The following DNAJC16 variants were observed in gnomAD, a reference collection of about 807,000 sequenced individuals.
The protein encoded by DNAJC16 is dnaJ homolog subfamily C member 16.
In DNAJC16, 76 loss-of-function variants were observed where a neutral mutation model predicts 92.7. The observed-to-expected ratio is 0.82, with a 90% CI of 0.68 to 0.99. The LOEUF (loss-of-function observed/expected upper bound fraction) is 0.99. Among genes scored for constraint, DNAJC16 ranks in the 50% least tolerant of loss-of-function variants. The pLI, the probability that DNAJC16 is intolerant of heterozygous loss-of-function variation, is 0.00. For missense variants in DNAJC16, 869 were observed against 942.4 expected, an observed-to-expected ratio of 0.92 and a Z score of 1.02; for synonymous variants, 328 against 358.7, an observed-to-expected ratio of 0.91 and a Z score of 0.97.
At chr1:15,529,832 C>G (rs1013089427) in intron 2 of DNAJC16, among the ~76,000 whole-genome samples, 3 of 152,106 alleles carry the variant, frequency 2.0e-5, no homozygotes. Context: ...GCTCAAGTCC[C>G]TATATAAAAT....
chr1:15,565,935 C>G lies in DNAJC16; in HGVS notation c.1615C>G (p.Leu539Val). The stretch of plus-strand genomic sequence containing the variant: ...TGGTTTTAGGAGGGAAATGATGCCC[C>G]TGCTGTCCCTGATCTTCTCTGCCCT... ...FHNNWREMMP[L>V]LSLIFSALFI... The change falls in exon 12 of 15, where the codon CTG (leucine) becomes GTG (valine). Residue 539 changes from leucine (L) to valine (V), a missense_variant. By Grantham distance (32) the Leu-to-Val change is conservative (BLOSUM62 1). Coordinates refer to ENST00000375847, the MANE Select transcript of DNAJC16 (RefSeq NM_015291.4). 1.2e-6 allele frequency: 2 copies of G among 1,613,772 alleles called. No homozygotes were observed. Among genetic ancestry groups the G allele is most frequent in the Non-Finnish European group, 1.7e-6 (2 of 1,179,980 alleles).
intron 6 of DNAJC16, 39 bp from the exon 7 acceptor site, chr1:15,548,231 T>A (rs1288774482): frequency 6.2e-7 from 1 of 1,603,744 alleles, no homozygotes; most frequent in Non-Finnish European, 8.5e-7. Flanking sequence ...ACATCTTTGC[T>A]GTAGTTTTAT....
At position 15,540,575 on chromosome 1, in the gene DNAJC16, G is replaced by A. The variant is rs78560705; in HGVS notation, c.574+3761G>A. ...TGGGACTTCACCTCTCCATGTCTCA[G>A]TTTTCTTATAGGTAAAATAGAGATG... is the stretch of plus-strand genomic sequence containing the variant. On this transcript the variant is annotated intron_variant, in intron 4 of 14. Transcript: ENST00000375847. Among the ~76,000 whole-genome samples the A allele has an allele frequency of 7.8e-3, 1,190 of 152,126 alleles. 16 individuals carry two copies. Among genetic ancestry groups the A allele is most frequent in the African/African-American group, 0.027 (1,113 of 41,480 alleles).
intron 7 of DNAJC16, among the ~76,000 whole-genome samples, chr1:15,556,982 C>CAAA (rs1373618442): frequency 6.6e-6 from 1 of 152,198 alleles, no homozygotes; most frequent in African/African-American, 2.4e-5. Flanking sequence ...TGTGCTAACT[C>CAAA]ATATTAATTC....
In DNAJC16 at chr1:15,567,791, C is replaced by T. The variant is rs1638853438; in HGVS notation, c.1963C>T (p.His655Tyr). Residue 655 changes from histidine to tyrosine, a missense_variant, in exon 15 of 15, where the codon CAC becomes TAC. Transcript: ENST00000375847. ...VYTFTGSSCL[H>Y]FSFLSLDKHR... Reference sequence around the variant, plus strand: ...TTCTTCCTACAGGAGCAGCTGCCTACACTTCTCCTTCCTGAGTCTAGATAA... The same window carrying T: ...TTCTTCCTACAGGAGCAGCTGCCTATACTTCTCCTTCCTGAGTCTAGATAA... The T allele has an allele frequency of 1.2e-6, 2 of 1,613,404 alleles. No homozygotes were observed. The highest frequency in any genetic ancestry group is 1.1e-5 in the South Asian group (1 of 91,002).
chr1:15,546,822 C>T lies in DNAJC16; in HGVS notation c.815C>T (p.Pro272Leu). Residue 272 changes from proline to leucine, a missense_variant, in exon 6 of 15, where the codon CCT (proline) becomes CTT (leucine). By Grantham distance (98) the Pro-to-Leu change is moderately conservative (BLOSUM62 -3). Coordinates refer to ENST00000375847, the MANE Select transcript of DNAJC16 (RefSeq NM_015291.4). ...TCTGGCTGGCAGCAAGAGAATAAGC[C>T]TCATGTCCTTCTGTTTGACCAAACG... ...FLSGWQQENK[P>L]HVLLFDQTPI... 6.2e-7 allele frequency: 1 copy of T among 1,613,846 alleles called. No individual in the cohort carries two copies. Among genetic ancestry groups the T allele is most frequent in the Non-Finnish European group, 8.5e-7 (1 of 1,179,952 alleles).
intron 13 of DNAJC16, 104 bp from the exon 14 acceptor site, chr1:15,566,995 C>T: frequency 9.2e-7 from 1 of 1,081,716 alleles, no homozygotes; most frequent in South Asian, 1.6e-5. Context: ...AATAACATAC[C>T]TAGTCTGGTT....
At chr1:15,558,856 G>T (rs973250827) in intron 7 of DNAJC16, among the ~76,000 whole-genome samples, 1 of 152,104 alleles carries the variant, frequency 6.6e-6, no homozygotes, top group Non-Finnish European at 1.5e-5. Context: ...TGCCCAGTTC[G>T]CTACAAATCC....
chr1:15,538,138 T>G (rs1710836980), intron 4 of DNAJC16, among the ~76,000 whole-genome samples: 1 of 152,190 alleles, frequency 6.6e-6, no homozygotes, highest in Non-Finnish European at 1.5e-5. Flanking sequence ...GGCTCATACC[T>G]GTAATCCCAA....
Position 15,544,447 on chromosome 1 carries a change from A to T in DNAJC16, c.623A>T (p.His208Leu). 5.6e-6 allele frequency: 9 copies of T among 1,614,122 alleles called. No individual in the cohort carries two copies. Among genetic ancestry groups the T allele is most frequent in the Non-Finnish European group, 7.6e-6 (9 of 1,179,994 alleles). ...GCTGGGTATGAGAGACGCCTGGCCC[A>T]TCACCTAGGGGCACACAGCACGCCC... ...VHAGYERRLA[H>L]HLGAHSTPSI... Residue 208 changes from histidine (H) to leucine (L), a missense_variant, in exon 5 of 15, where the codon CAT becomes CTT. Transcript: ENST00000375847.
At position 15,571,667 on chromosome 1, in the gene DNAJC16, A is replaced by T. The variant is rs1638950718; in HGVS notation, c.*3490A>T. The T allele has an allele frequency of 6.6e-6, 1 of 152,632 alleles. No individual in the cohort carries two copies. Among genetic ancestry groups the T allele is most frequent in the Non-Finnish European group, 1.5e-5 (1 of 68,048 alleles). The allele number at this position is 152,632 out of a possible 1,614,324, so 9.5% of individuals were successfully genotyped here. A position where few individuals can be genotyped will look rare whatever the true frequency, so the allele number is the denominator to read the frequency against. On this transcript the variant is annotated 3_prime_UTR_variant, in exon 15 of 15. Transcript: ENST00000375847. ...GACTTTTTTTGTATTGTGAACAGGC[A>T]CTGAAGCTGATGTTATTTTAAGATT...
intron 13 of DNAJC16, 69 bp from the exon 14 acceptor site, chr1:15,567,030 G>A: frequency 6.9e-7 from 1 of 1,454,196 alleles, no homozygotes; most frequent in East Asian, 2.3e-5. Context: ...TCTTTCAGCT[G>A]TTTCTTTTCA....
chr1:15,534,280 A>G lies in DNAJC16; in HGVS notation c.211A>G (p.Ile71Val). ...AGATCCTGGAGCAGAAGACAAGTTC[A>G]TTCAAATCAGTAAGGCTTACGAGGT... Reference protein sequence around the residue: ...NKDPGAEDKFIQISKAYEILS... With the variant: ...NKDPGAEDKFVQISKAYEILS... The change falls in exon 3 of 15, where the codon ATT (isoleucine) becomes GTT (valine). Residue 71 changes from isoleucine to valine, a missense_variant. Ile to Val is a conservative substitution (Grantham distance 29). Transcript: ENST00000375847. The G allele has an allele frequency of 6.2e-6, 10 of 1,614,134 alleles. No homozygotes were observed. The highest frequency in any genetic ancestry group is 8.5e-6 in the Non-Finnish European group (10 of 1,180,010).
chr1:15,552,172 C>T (rs1380212925), intron 7 of DNAJC16, among the ~76,000 whole-genome samples: 5 of 151,600 alleles, frequency 3.3e-5, no homozygotes, highest in Admixed American at 6.6e-5. Flanking sequence ...GCACCCAGCC[C>T]GTTCTTTTTT....
At position 15,570,813 on chromosome 1, in the gene DNAJC16, C is replaced by T. The variant is rs1638932011; in HGVS notation, c.*2636C>T. 1 of 152,210 alleles carries T rather than the reference C, an allele frequency of 6.6e-6. No homozygotes were observed. The highest frequency in any genetic ancestry group is 1.5e-5 in the Non-Finnish European group (1 of 68,038). 9.4% of individuals were successfully genotyped at this position (152,210 alleles called of 1,614,324 possible). On this transcript the variant is annotated 3_prime_UTR_variant, in exon 15 of 15. Transcript: ENST00000375847. The stretch of plus-strand genomic sequence containing the variant: ...GTCAAACATATGAGCCATTGTCATG[C>T]TCAGCCTGTGCCACCATTGCTCTGT...
At chr1:15,564,215 G>C in intron 10 of DNAJC16, 68 bp from the exon 11 acceptor site, 1 of 1,547,496 alleles carries the variant, frequency 6.5e-7, no homozygotes, top group South Asian at 1.1e-5. Context: ...GCAGCACTGT[G>C]TTGCAGGGTA....
rs755881815 is a variant in DNAJC16, at chr1:15,544,635, A to G, written c.759+52A>G. On this transcript the variant is annotated intron_variant, in intron 5 of 14. Transcript: ENST00000375847. Reference sequence around the variant, plus strand: ...CTGAGAAGTAGTTTAAGAGGTACCTAGGACTGTTAATTGCCCAGAACATTT... The same window carrying G: ...CTGAGAAGTAGTTTAAGAGGTACCTGGGACTGTTAATTGCCCAGAACATTT... The G allele has an allele frequency of 1.9e-5, 30 of 1,572,066 alleles. No individual in the cohort carries two copies. The Admixed American group carries it at 3.3e-4, about 17-fold the overall frequency.
intron 9 of DNAJC16, 67 bp from the exon 10 acceptor site, chr1:15,563,862 A>AC (rs1436693638): frequency 6.8e-7 from 1 of 1,477,600 alleles, no homozygotes; most frequent in East Asian, 2.3e-5. Flanking sequence ...AAAAAAAAAA[A>AC]AGCAAACAAC....
intron 9 of DNAJC16, among the ~76,000 whole-genome samples, chr1:15,563,011 C>T (rs967079644): frequency 6.6e-6 from 1 of 150,880 alleles, no homozygotes; most frequent in South Asian, 2.1e-4. Context: ...CCCTCTGCCT[C>T]TTTAACTTCA....
Sources: gnomAD v4.1 joint callset for allele counts (sites outside exome capture counted in the v4.1 genomes callset) on GRCh38, gnomAD v4.1.1 for gene constraint, MANE v1.5 for transcripts, NCBI Gene and HGNC (gene_info 2026-07-23, HGNC 2026-07-21) for gene names.